Variants in RFX6 observed in about 807,000 individuals in gnomAD.
RFX6 encodes the protein DNA-binding protein RFX6.
A neutral mutation model predicts 110.8 loss-of-function variants in RFX6; 50 were observed. The ratio of observed to expected loss-of-function variants is 0.45; its 90% CI spans 0.36 to 0.57. The LOEUF (loss-of-function observed/expected upper bound fraction) is 0.57, where lower values mean the gene tolerates loss of function less well. Among genes scored for constraint, RFX6 ranks in the 20% least tolerant of loss-of-function variants. RFX6 has a pLI of 0.00. For missense variants in RFX6, 990 were observed against 1,127.0 expected, an observed-to-expected ratio of 0.88 and a Z score of 1.74; for synonymous variants, 383 against 411.2, an observed-to-expected ratio of 0.93 and a Z score of 0.83.
At chr6:116,901,084 T>C (rs139639177) in intron 6 of RFX6, among the ~76,000 whole-genome samples, 2 of 152,304 alleles carry the variant, frequency 1.3e-5, no homozygotes, top group Non-Finnish European at 2.9e-5. Context: ...CACTTCATTA[T>C]AAAATAAGCT....
intron 4 of RFX6, among the ~76,000 whole-genome samples, chr6:116,888,890 A>T (rs1375432231): frequency 6.6e-6 from 1 of 152,218 alleles, no homozygotes; most frequent in African/African-American, 2.4e-5. Flanking sequence ...CCCCAGTTTT[A>T]TGAGGTTTAT....
chr6:116,912,692 C>T (rs1407844479), intron 7 of RFX6, among the ~76,000 whole-genome samples: 1 of 151,912 alleles, frequency 6.6e-6, no homozygotes. Flanking sequence ...GTAAATATAC[C>T]TGGTGAGAGA....
In RFX6 at chr6:116,911,059, C is replaced by G; in HGVS notation, c.780+17C>G. The G allele has an allele frequency of 6.7e-7, 1 of 1,489,280 alleles. No homozygotes were observed. The highest frequency in any genetic ancestry group is 9.4e-7 in the Non-Finnish European group (1 of 1,066,286). The allele number at this position is 1,489,280 out of a possible 1,614,324, so 92.3% of individuals were successfully genotyped here. A position where few individuals can be genotyped will look rare whatever the true frequency, so the allele number is the denominator to read the frequency against. ...AAGGACAAGGTATCAATTACAGATACTTCTCTATTGATTTTCTGATATGTT... is the reference window on the plus strand; with the variant it reads ...AAGGACAAGGTATCAATTACAGATAGTTCTCTATTGATTTTCTGATATGTT... On this transcript the variant is annotated intron_variant, in intron 7 of 18. Transcript: ENST00000332958.
At chr6:116,922,196 G>A in intron 13 of RFX6, 45 bp downstream of exon 13, 1 of 933,320 alleles carries the variant, frequency 1.1e-6, no homozygotes, top group Non-Finnish European at 1.8e-6. Flanking sequence ...CTTGTAAAGA[G>A]TAAATGCTAA....
chr6:116,924,857 A>G (rs1775675937), intron 15 of RFX6, 66 bp downstream of exon 15: 2 of 1,165,912 alleles, frequency 1.7e-6, no homozygotes, highest in Admixed American at 1.8e-5. Context: ...AAGAATTTAT[A>G]AGTTCAGATA....
In RFX6 at chr6:116,907,519, C is replaced by T. The variant is rs181215345; in HGVS notation, c.673-3416C>T. On this transcript the variant is annotated intron_variant, in intron 6 of 18. Coordinates refer to ENST00000332958, the MANE Select transcript of RFX6 (RefSeq NM_173560.4). ...CTTTGAGTGTGTTGGTTAACTACTA[C>T]AAATTTGTAAATTTTCCAGTTTTCT... Among the ~76,000 whole-genome samples the T allele has an allele frequency of 2.7e-3, 406 of 152,194 alleles. 2 individuals are homozygous for T. The highest frequency in any genetic ancestry group is 9.2e-3 in the African/African-American group (383 of 41,558).
chr6:116,907,974 C>T (rs1200332688), intron 6 of RFX6, among the ~76,000 whole-genome samples: 2 of 152,008 alleles, frequency 1.3e-5, no homozygotes, highest in African/African-American at 4.8e-5. Flanking sequence ...ATTATTAGAT[C>T]TTTTTTGCCT....
rs1466728699 is a variant in RFX6, at chr6:116,920,435, A to C, written c.1308A>C (p.Glu436Asp). 1 of 1,613,370 alleles carries C rather than the reference A, an allele frequency of 6.2e-7. No homozygotes were observed. Among genetic ancestry groups the C allele is most frequent in the South Asian group, 1.1e-5 (1 of 91,058 alleles). Residue 436 changes from glutamate (E) to aspartate (D), a missense_variant, in exon 12 of 19, where the codon GAA (glutamate) becomes GAC (aspartate). By Grantham distance (45) the Glu-to-Asp change is conservative (BLOSUM62 2). Transcript: ENST00000332958. ...LLTISGSTDTESGIYTEHDSI... is the reference protein window; with the variant it reads ...LLTISGSTDTDSGIYTEHDSI... ...CCATTTCAGGCAGCACAGACACTGA[A>C]TCTGGTATCTACACTGAACGTAAGT... is the stretch of plus-strand genomic sequence containing the variant.
chr6:116,879,704 A>G lies in RFX6; in HGVS notation c.381-840A>G, dbSNP rs561364524. On this transcript the variant is annotated intron_variant, in intron 2 of 18. Coordinates refer to ENST00000332958, the MANE Select transcript of RFX6 (RefSeq NM_173560.4). ...TTGGTATAAGTAAATTTTAGTCAAA[A>G]TCACCTACTGAACTGTTAGGAAAAC... 4.6e-5 allele frequency among the ~76,000 whole-genome samples: 7 copies of G among 152,078 alleles called. No individual in the cohort carries two copies. The South Asian group carries it at 1.5e-3, about 32-fold the overall frequency.
intron 6 of RFX6, among the ~76,000 whole-genome samples, chr6:116,909,517 T>C (rs767562429): frequency 4.0e-5 from 6 of 151,792 alleles, no homozygotes; most frequent in Admixed American, 6.6e-5. Flanking sequence ...AAGCCAAGCA[T>C]TGAAAGTCTT....
In RFX6 at chr6:116,877,281, C is replaced by A; in HGVS notation, c.6C>A (p.Ala2=). 1 of 1,609,792 alleles carries A rather than the reference C, an allele frequency of 6.2e-7. No homozygotes were observed. The highest frequency in any genetic ancestry group is 1.3e-5 in the African/African-American group (1 of 74,906). The change falls in exon 1 of 19, where the codon GCC becomes GCA. Residue 2 remains alanine (A), a synonymous_variant. Transcript: ENST00000332958. M[A]KVPELEDTFL... ...GGTGTCCGGCGGCCAGGAGGATGGCCAAGGTCCCGGAGCTGGAAGACACCT... is the reference window on the plus strand; with the variant it reads ...GGTGTCCGGCGGCCAGGAGGATGGCAAAGGTCCCGGAGCTGGAAGACACCT...
chr6:116,923,169 T>A lies in RFX6; in HGVS notation c.1500T>A (p.Ser500Arg). The A allele has an allele frequency of 6.2e-7, 1 of 1,606,060 alleles. No homozygotes were observed. Among genetic ancestry groups the A allele is most frequent in the Non-Finnish European group, 8.5e-7 (1 of 1,172,912 alleles). ...KRAQDFLLKW[S>R]FFGARVMHNL... Reference sequence around the variant, plus strand: ...CTCAAGACTTTCTGTTAAAGTGGAGTTTTTTTGGTGCTCGAGTAATGCATA... The same window carrying A: ...CTCAAGACTTTCTGTTAAAGTGGAGATTTTTTGGTGCTCGAGTAATGCATA... Residue 500 changes from serine to arginine, a missense_variant, in exon 14 of 19, where the codon AGT (serine) becomes AGA (arginine). Around this residue, in one of 5 missense-constraint regions of RFX6, gnomAD observed 89 missense variants for 140.3 expected, o/e 0.63. Coordinates refer to ENST00000332958, the MANE Select transcript of RFX6 (RefSeq NM_173560.4).
rs1177474267 is a variant in RFX6, at chr6:116,877,397, C to T, written c.122C>T (p.Pro41Leu). 21 of 1,607,882 alleles carry T rather than the reference C, an allele frequency of 1.3e-5. No individual in the cohort carries two copies. The highest frequency in any genetic ancestry group is 1.8e-5 in the Non-Finnish European group (21 of 1,177,294). Residue 41 changes from proline (P) to leucine (L), a missense_variant, in exon 1 of 19, where the codon CCG (proline) becomes CTG (leucine). By Grantham distance (98) the Pro-to-Leu change is moderately conservative. Transcript: ENST00000332958. ...CTGGGCAAGGGCTTGCTAGTCTATCCGGAAGAAACAGTGTACCTGGCGGCC... is the reference window on the plus strand; with the variant it reads ...CTGGGCAAGGGCTTGCTAGTCTATCTGGAAGAAACAGTGTACCTGGCGGCC... The part of the protein sequence containing the change: ...QLLGKGLLVY[P>L]EETVYLAAEG...
At chr6:116,900,584 CTATTTT>C (rs1358054068) in intron 6 of RFX6, among the ~76,000 whole-genome samples, 1 of 151,388 alleles carries the variant, frequency 6.6e-6, no homozygotes, top group African/African-American at 2.4e-5. Flanking sequence ...ATAGTGAAAT[CTATTTT>C]TATTTAAAAA....
chr6:116,906,129 TC>T (rs1014684436), intron 6 of RFX6, among the ~76,000 whole-genome samples: 4 of 152,206 alleles, frequency 2.6e-5, no homozygotes, highest in Non-Finnish European at 5.9e-5. Context: ...CATAGAATTG[TC>T]CTTTCCCCAT....
intron 1 of RFX6, 125 bp from the exon 2 acceptor site, chr6:116,877,671 C>A: frequency 9.3e-7 from 1 of 1,074,768 alleles, no homozygotes; most frequent in Non-Finnish European, 1.4e-6. Context: ...TTTTGCATAG[C>A]CCCCCTTTCC....
chr6:116,904,527 A>C (rs544310483), intron 6 of RFX6, among the ~76,000 whole-genome samples: 2 of 152,150 alleles, frequency 1.3e-5, no homozygotes, highest in Non-Finnish European at 2.9e-5. Context: ...TACATATAAA[A>C]TATACTATCT....
chr6:116,922,153 T>G lies in RFX6; in HGVS notation c.1437+2T>G. ...GTGGTAGAACAGAGAGTTATTAAGG[T>G]ACTTTTTAATGACAGATTCAGAAAA... On this transcript the variant is annotated splice_donor_variant, in intron 13 of 18. Transcript: ENST00000332958. LOFTEE classifies it high-confidence loss of function. The G allele has an allele frequency of 8.1e-7, 1 of 1,233,118 alleles. No homozygotes were observed. Among genetic ancestry groups the G allele is most frequent in the Non-Finnish European group, 1.2e-6 (1 of 833,308 alleles). 76.4% of individuals were successfully genotyped at this position (1,233,118 alleles called of 1,614,324 possible). A position where few individuals can be genotyped will look rare whatever the true frequency, so the allele number is the denominator to read the frequency against.
At chr6:116,884,909 G>C (rs1053309510) in intron 4 of RFX6, 1 of 152,096 alleles carries the variant, frequency 6.6e-6, no homozygotes, top group African/African-American at 2.4e-5. Context: ...TATTTGTGAC[G>C]TGACTTTTTT....
Sources: allele counts gnomAD v4.1 joint callset (sites outside exome capture counted in the v4.1 genomes callset), GRCh38; gene constraint gnomAD v4.1.1; regional missense constraint gnomAD v4.1.1; transcripts MANE v1.5; gene names NCBI Gene and HGNC (gene_info 2026-07-23, HGNC 2026-07-21).